Variants in GATD3 observed in about 807,000 individuals in gnomAD.
The protein encoded by GATD3 is glutamine amidotransferase class 1 domain containing 3.
chr21:44,142,542 CAG>C, the GATD3 span, among the ~76,000 whole-genome samples: 26 of 73,992 alleles, frequency 3.5e-4, 6 homozygotes, highest in African/African-American at 7.6e-4. Flanking sequence ...GCCTGGCACA[CAG>C]GGGCCTCTGT....
At chr21:44,142,065 A>G in the GATD3 span, among the ~76,000 whole-genome samples, 513 of 29,644 alleles carry the variant, frequency 0.017, 201 homozygotes, top group Non-Finnish European at 0.037. Context: ...GGGGTCAAGC[A>G]ATTCTCCTGC....
At chr21:44,142,843 C>A in the GATD3 span, among the ~76,000 whole-genome samples, 7 of 52,504 alleles carry the variant, frequency 1.3e-4, 1 homozygote, top group African/African-American at 2.7e-4. Context: ...AGCCGCACAT[C>A]ATTACCCTCT....
At chr21:44,139,775 T>G in the GATD3 span, among the ~76,000 whole-genome samples, 1 of 131,272 alleles carries the variant, frequency 7.6e-6, no homozygotes, top group African/African-American at 2.6e-5. Flanking sequence ...CCCCGGGGAG[T>G]GGGGGACCCT....
the GATD3 span, among the ~76,000 whole-genome samples, chr21:44,142,248 GCA>G: frequency 4.0e-5 from 1 of 25,280 alleles, no homozygotes; most frequent in South Asian, 1.0e-3. Flanking sequence ...ATGAGCCACT[GCA>G]CCTGGCTGTG....
the GATD3 span, among the ~76,000 whole-genome samples, chr21:44,141,872 G>A: frequency 2.2e-3 from 48 of 21,712 alleles, 12 homozygotes; most frequent in South Asian, 0.032. Context: ...ACGCAGCGTC[G>A]GGAGCTGCTG....
the GATD3 span, among the ~76,000 whole-genome samples, chr21:44,142,667 C>T: frequency 0.015 from 1,137 of 75,856 alleles, 409 homozygotes; most frequent in Middle Eastern, 0.18. Flanking sequence ...CAGGGGCGTG[C>T]GTCCACCAGC....
the GATD3 span, among the ~76,000 whole-genome samples, chr21:44,144,624 TTA>T: frequency 3.3e-5 from 2 of 60,676 alleles, no homozygotes; most frequent in African/African-American, 7.1e-5. Flanking sequence ...AGGTTCCTTC[TTA>T]TGTTGTTCAG....
the GATD3 span, among the ~76,000 whole-genome samples, chr21:44,139,590 G>C: frequency 2.7e-5 from 2 of 73,562 alleles, no homozygotes; most frequent in African/African-American, 5.9e-5. Flanking sequence ...TATGGACCCG[G>C]GGTAGCGTCC....
chr21:44,145,049 CTTT>C, the GATD3 span: 2 of 8,606 alleles, frequency 2.3e-4, no homozygotes, highest in Non-Finnish European at 6.3e-4. Context: ...CTGGCAGGCC[CTTT>C]TTTTTTTTTC....
the GATD3 span, among the ~76,000 whole-genome samples, chr21:44,144,231 C>T: frequency 1.8e-4 from 11 of 62,502 alleles, 4 homozygotes; most frequent in Admixed American, 1.6e-3. Flanking sequence ...AAGGCTGGCC[C>T]CAGGCCTCTG....
chr21:44,144,330 C>T, the GATD3 span, among the ~76,000 whole-genome samples: 4 of 69,596 alleles, frequency 5.7e-5, 2 homozygotes, highest in Non-Finnish European at 1.8e-4. Context: ...AGGCTCAGGT[C>T]TGTGGCTGGC....
the GATD3 span, chr21:44,141,008 TC>T: frequency 3.0e-5 from 2 of 67,764 alleles, 1 homozygote; most frequent in South Asian, 5.5e-4. Context: ...CGCTGTGCTG[TC>T]CAGGTCTCAG....
the GATD3 span, chr21:44,141,341 TC>T: frequency 1.8e-3 from 56 of 31,314 alleles, 9 homozygotes; most frequent in Middle Eastern, 5.0e-3. Context: ...AGAGAAGTGT[TC>T]CTTGGATGAG....
the GATD3 span, among the ~76,000 whole-genome samples, chr21:44,139,581 A>G: frequency 6.8e-5 from 5 of 73,442 alleles, 2 homozygotes; most frequent in East Asian, 8.5e-4. Flanking sequence ...TTCCAACAGT[A>G]TGGACCCGGG....
the GATD3 span, chr21:44,141,014 TCTCA>T: frequency 2.7e-5 from 2 of 75,298 alleles, 1 homozygote; most frequent in South Asian, 4.1e-4. Context: ...GCTGTCCAGG[TCTCA>T]GCTGCGTCTG....
chr21:44,144,037 G>C, the GATD3 span, among the ~76,000 whole-genome samples: 93 of 56,560 alleles, frequency 1.6e-3, 5 homozygotes, highest in African/African-American at 3.5e-3. Context: ...CCAACTGAGA[G>C]AACAGAACAC....
chr21:44,137,710 C>T, the GATD3 span: 18 of 44 alleles, frequency 0.41, no homozygotes, highest in East Asian at 0.5. Flanking sequence ...TTTTTTTTTT[C>T]TGTAGAGATG....
At chr21:44,144,874 C>T in the GATD3 span, 1 of 65,540 alleles carries the variant, frequency 1.5e-5, no homozygotes, top group African/African-American at 1.0e-4. Flanking sequence ...CCTTCATGTG[C>T]GAGACGGCAC....
chr21:44,142,735 G>C, the GATD3 span, among the ~76,000 whole-genome samples: 5 of 75,958 alleles, frequency 6.6e-5, 2 homozygotes, highest in Non-Finnish European at 2.2e-4. Flanking sequence ...CTCCTGGCCC[G>C]TTGTGCCTCC....
Sources: gnomAD v4.1 joint callset for allele counts (sites outside exome capture counted in the v4.1 genomes callset) on GRCh38, gnomAD v4.1.1 for gene constraint, MANE v1.5 for transcripts, NCBI Gene and HGNC (gene_info 2026-07-23, HGNC 2026-07-21) for gene names.